SLC8A3: variants seen among roughly 807,000 people sequenced by gnomAD.
SLC8A3 encodes the protein solute carrier family 8 member A3.
A neutral mutation model predicts 65.4 loss-of-function variants in SLC8A3; 37 were observed. That is an observed-to-expected ratio of 0.57 (90% CI 0.44 to 0.74). SLC8A3 has a LOEUF of 0.74. Ranked by LOEUF, SLC8A3 falls within the 30% of genes least tolerant of loss-of-function variation. The pLI is 0.00. For missense variants in SLC8A3, 1,112 were observed against 1,172.1 expected (o/e 0.95, Z 0.75); for synonymous variants, 461 against 444.5 (o/e 1.04, Z -0.47).
chr14:70,184,626 G>A (rs1188397945), intron 1 of SLC8A3, among the ~76,000 whole-genome samples: 2 of 152,202 alleles, frequency 1.3e-5, no homozygotes, highest in African/African-American at 2.4e-5. Flanking sequence ...CATAGGAAGA[G>A]GTGCTCCTCC....
At chr14:70,095,533 C>A (rs1892114479) in intron 2 of SLC8A3, among the ~76,000 whole-genome samples, 1 of 152,216 alleles carries the variant, frequency 6.6e-6, no homozygotes, top group Admixed American at 6.5e-5. Context: ...CTCCTTGCTG[C>A]CCATAGACCT....
chr14:70,062,366 G>A (rs907506493), intron 2 of SLC8A3, among the ~76,000 whole-genome samples: 46 of 152,142 alleles, frequency 3.0e-4, no homozygotes, highest in Non-Finnish European at 2.4e-4. Context: ...CTCAATGACA[G>A]ACCACATCTA....
At chr14:70,098,400 C>T (rs1444175753) in intron 2 of SLC8A3, among the ~76,000 whole-genome samples, 5 of 152,164 alleles carry the variant, frequency 3.3e-5, no homozygotes, top group Admixed American at 6.5e-5. Context: ...TTCTGGCAGC[C>T]GTGATCAAAC....
chr14:70,083,735 T>C (rs1891224746), intron 2 of SLC8A3, among the ~76,000 whole-genome samples: 1 of 152,204 alleles, frequency 6.6e-6, no homozygotes, highest in African/African-American at 2.4e-5. Context: ...GACCCAGCAG[T>C]GTCAAAAAAT....
At position 70,167,135 on chromosome 14, in the gene SLC8A3, A is replaced by G. The variant is rs1555383862; in HGVS notation, c.1288T>C (p.Tyr430His). Residue 430 changes from tyrosine to histidine, a missense_variant, in exon 2 of 7, where the codon TAT (tyrosine) becomes CAT (histidine). Transcript: ENST00000356921. Reference sequence around the variant, plus strand: ...CCATCCTCTGTTTTGTAGTCCACATACATGGTCTTTGACATGTCTCCCCCT... The same window carrying G: ...CCATCCTCTGTTTTGTAGTCCACATGCATGGTCTTTGACATGTCTCCCCCT... ...RKGGDMSKTMYVDYKTEDGSA... is the reference protein window; with the variant it reads ...RKGGDMSKTMHVDYKTEDGSA... 1 of 1,614,238 alleles carries G rather than the reference A, an allele frequency of 6.2e-7. No homozygotes were observed.
At chr14:70,140,646 T>C (rs1895507337) in intron 2 of SLC8A3, among the ~76,000 whole-genome samples, 2 of 152,198 alleles carry the variant, frequency 1.3e-5, no homozygotes, top group African/African-American at 4.8e-5. Context: ...CAAGGTATTG[T>C]GATGATTTGG....
At chr14:70,052,514 G>A (rs1887622007) in intron 3 of SLC8A3, among the ~76,000 whole-genome samples, 1 of 152,204 alleles carries the variant, frequency 6.6e-6, no homozygotes, top group Non-Finnish European at 1.5e-5. Context: ...GTTCTTGAAG[G>A]TGCAGAAGTA....
At chr14:70,053,808 T>C (rs1887765162) in intron 3 of SLC8A3, among the ~76,000 whole-genome samples, 1 of 152,234 alleles carries the variant, frequency 6.6e-6, no homozygotes, top group Non-Finnish European at 1.5e-5. Context: ...AGGCTCTCTG[T>C]ATATATTTGT....
intron 1 of SLC8A3, among the ~76,000 whole-genome samples, chr14:70,185,718 T>C (rs972453868): frequency 6.6e-6 from 1 of 152,240 alleles, no homozygotes; most frequent in Non-Finnish European, 1.5e-5. Flanking sequence ...GTGCTAGGCC[T>C]TGGGGACACA....
Position 70,049,050 on chromosome 14 carries a change from C to A in SLC8A3, c.2114-8G>T. On this transcript the variant is annotated splice_polypyrimidine_tract_variant and splice_region_variant and intron_variant, in intron 5 of 6. Coordinates refer to ENST00000356921, the MANE Select transcript of SLC8A3 (RefSeq NM_182932.3). ...CCTCATCCTCATCCCCTGCTGAAGG[C>A]AAGATAAACAGGCAAGAGAACGGGT... is the stretch of plus-strand genomic sequence containing the variant. 1 of 1,596,454 alleles carries A rather than the reference C, an allele frequency of 6.3e-7. No individual in the cohort carries two copies. Among genetic ancestry groups the A allele is most frequent in the Non-Finnish European group, 8.6e-7 (1 of 1,169,438 alleles).
At position 70,046,355 on chromosome 14, in the gene SLC8A3, T is replaced by C. The variant is rs1886798078; in HGVS notation, c.2390-32A>G. ...AAGGACAAAGACACATGGGAACTGG[T>C]AGGAGGCTAAGGTGTGCAGGGCTTG... is the stretch of plus-strand genomic sequence containing the variant. On this transcript the variant is annotated intron_variant, in intron 6 of 6. Coordinates refer to ENST00000356921, the MANE Select transcript of SLC8A3 (RefSeq NM_182932.3). The surrounding 1 kb of genome is among the most constrained non-coding windows in gnomAD (Gnocchi z 4.2). 1.3e-6 allele frequency: 2 copies of C among 1,573,052 alleles called. No individual in the cohort carries two copies. The highest frequency in any genetic ancestry group is 2.7e-5 in the African/African-American group (2 of 73,952).
chr14:70,068,671 A>T (rs1214691036), intron 2 of SLC8A3, among the ~76,000 whole-genome samples: 1 of 152,080 alleles, frequency 6.6e-6, no homozygotes, highest in Non-Finnish European at 1.5e-5. Context: ...GGCATAAGTC[A>T]CCATGTCAGG....
At chr14:70,051,756 G>A (rs1429883476) in intron 4 of SLC8A3, among the ~76,000 whole-genome samples, 1 of 152,062 alleles carries the variant, frequency 6.6e-6, no homozygotes, top group African/African-American at 2.4e-5. Context: ...GGACTTTCTA[G>A]TCCACTTATT....
chr14:70,185,521 G>C (rs1427632422), intron 1 of SLC8A3, among the ~76,000 whole-genome samples: 9 of 152,346 alleles, frequency 5.9e-5, no homozygotes, highest in African/African-American at 2.2e-4. Context: ...GGAGCACAGG[G>C]CATGGGAATA....
At chr14:70,051,914 G>T in intron 4 of SLC8A3, 76 bp downstream of exon 4, 1 of 1,339,320 alleles carries the variant, frequency 7.5e-7, no homozygotes. Context: ...AGTGAAAGTG[G>T]AAAAAAACAC....
chr14:70,150,077 A>T (rs1255262237), intron 2 of SLC8A3, among the ~76,000 whole-genome samples: 1 of 152,202 alleles, frequency 6.6e-6, no homozygotes, highest in Non-Finnish European at 1.5e-5. Flanking sequence ...TGCTGGGGGA[A>T]CCTGAGCAAA....
Position 70,046,289 on chromosome 14 carries a change from A to C in SLC8A3, c.2424T>G (p.Asp808Glu). The change falls in exon 7 of 7, where the codon GAT becomes GAG. Residue 808 changes from aspartate to glutamate, a missense_variant. Transcript: ENST00000356921. The surrounding 1 kb of genome is among the most constrained non-coding windows in gnomAD (Gnocchi z 4.2). ...TFASKAAALQDVYADASIGNV... is the reference protein window; with the variant it reads ...TFASKAAALQEVYADASIGNV... ...TGCCAATGGAGGCGTCTGCATATACATCCTGGAGGGCAGCAGCTTTGCTGG... is the reference window on the plus strand; with the variant it reads ...TGCCAATGGAGGCGTCTGCATATACCTCCTGGAGGGCAGCAGCTTTGCTGG... 6.2e-7 allele frequency: 1 copy of C among 1,611,590 alleles called. No individual in the cohort carries two copies. The highest frequency in any genetic ancestry group is 1.7e-5 in the Admixed American group (1 of 59,636).
Position 70,076,625 on chromosome 14 carries a change from C to A in SLC8A3, c.1785-15686G>T, listed in dbSNP as rs147023376. On this transcript the variant is annotated intron_variant, in intron 2 of 6. Transcript: ENST00000356921. ...CTTGCACACATTACTCCCTCCCGAGCACTATTATTGGGCTACTCTTAGGAA... is the reference window on the plus strand; with the variant it reads ...CTTGCACACATTACTCCCTCCCGAGAACTATTATTGGGCTACTCTTAGGAA... 2.9e-3 allele frequency among the ~76,000 whole-genome samples: 442 copies of A among 152,270 alleles called. 2 individuals are homozygous for A. The highest frequency in any genetic ancestry group is 0.01 in the African/African-American group (419 of 41,556).
intron 2 of SLC8A3, among the ~76,000 whole-genome samples, chr14:70,087,358 T>A (rs906613638): frequency 6.6e-6 from 1 of 152,220 alleles, no homozygotes. Context: ...ATTTATCTTC[T>A]CAAACTTCCT....
Sources: gnomAD v4.1 joint callset for allele counts (sites outside exome capture counted in the v4.1 genomes callset) on GRCh38, gnomAD v4.1.1 for gene constraint, Gnocchi (gnomAD v3.1) non-coding constraint, MANE v1.5 for transcripts, NCBI Gene and HGNC (gene_info 2026-07-23, HGNC 2026-07-21) for gene names.